The following TJP1 variants were observed in gnomAD, a reference collection of about 807,000 sequenced individuals.
TJP1 encodes tight junction protein ZO-1.
Under a neutral mutation model 194.2 loss-of-function variants are expected in TJP1, and 43 were observed. That is an observed-to-expected ratio of 0.22 (90% CI 0.17 to 0.29). The LOEUF is 0.29. Among genes scored for constraint, TJP1 ranks in the 10% least tolerant of loss-of-function variants. The probability of loss-of-function intolerance (pLI) is 1.00; values close to 1 mark genes in which losing one functional copy is unlikely to be tolerated. For synonymous variants in TJP1, 801 were observed against 779.0 expected, an observed-to-expected ratio of 1.03 and a Z score of -0.47; for missense variants, 1,971 against 2,185.7, an observed-to-expected ratio of 0.90 and a Z score of 1.96.
chr15:29,867,212 C>T (rs2052338104), intron 2 of TJP1, among the ~76,000 whole-genome samples: 1 of 152,214 alleles, frequency 6.6e-6, no homozygotes, highest in Non-Finnish European at 1.5e-5. Flanking sequence ...TTGAGCGAGA[C>T]TCAGACCAGA....
At chr15:29,744,635 CA>C (rs1025215429) in intron 8 of TJP1, among the ~76,000 whole-genome samples, 1 of 151,964 alleles carries the variant, frequency 6.6e-6, no homozygotes, top group Non-Finnish European at 1.5e-5. Flanking sequence ...CTCGGAAAAA[CA>C]AAATAATTTG....
At chr15:29,929,502 G>T (rs1403619935) in intron 2 of TJP1, among the ~76,000 whole-genome samples, 1 of 152,094 alleles carries the variant, frequency 6.6e-6, no homozygotes, top group Non-Finnish European at 1.5e-5. Context: ...TTTGATACCA[G>T]CCTGGCCAAC....
intron 2 of TJP1, among the ~76,000 whole-genome samples, chr15:29,848,903 G>A (rs1173747804): frequency 6.6e-6 from 1 of 151,762 alleles, no homozygotes; most frequent in African/African-American, 2.4e-5. Flanking sequence ...ATTATTTTCT[G>A]TGGTTTTTTT....
intron 2 of TJP1, among the ~76,000 whole-genome samples, chr15:29,833,881 A>ATATATATATTTTTT: frequency 7.9e-5 from 1 of 12,616 alleles, no homozygotes; most frequent in Non-Finnish European, 1.4e-4. Context: ...ATATATATAT[A>ATATATATATTTTTT]TTTTTTTTTT....
At position 29,800,710 on chromosome 15, in the gene TJP1, A is replaced by G. The variant is rs1350755082; in HGVS notation, c.28-8T>C. 11 of 1,612,966 alleles carry G rather than the reference A, an allele frequency of 6.8e-6. No individual in the cohort carries two copies. Among genetic ancestry groups the G allele is most frequent in the African/African-American group, 2.7e-5 (2 of 74,896 alleles). ...TTCCTCCATTGCTGTGCTCTGATAA[A>G]GGAAAAGAAAAACAAATCATTTACC... On this transcript the variant is annotated splice_polypyrimidine_tract_variant and splice_region_variant and intron_variant, in intron 1 of 27. Coordinates refer to ENST00000614355, the MANE Select transcript of TJP1 (RefSeq NM_001330239.4).
intron 18 of TJP1, among the ~76,000 whole-genome samples, chr15:29,722,301 G>A (rs907659782): frequency 6.6e-6 from 1 of 152,174 alleles, no homozygotes; most frequent in Non-Finnish European, 1.5e-5. Flanking sequence ...ATCCAGGCCC[G>A]GCCCTGCTGC....
At chr15:29,737,183 C>T in intron 11 of TJP1, 81 bp downstream of exon 11, 2 of 1,505,936 alleles carry the variant, frequency 1.3e-6, no homozygotes, top group Non-Finnish European at 1.8e-6. Context: ...AATCTAATTA[C>T]AATAGTAAGC....
At position 29,701,589 on chromosome 15, in the gene TJP1, CAAGAGTTA is replaced by C; in HGVS notation, c.5305_*5del. The C allele has an allele frequency of 3.1e-6, 5 of 1,607,090 alleles. No individual in the cohort carries two copies. Among genetic ancestry groups the C allele is most frequent in the Non-Finnish European group, 4.3e-6 (5 of 1,174,012 alleles). Reference sequence around the variant, plus strand: ...TCACATTATTTAAGTTCCTATATTTCAAGAGTTAAAAGTGGTCAATAAGGACAGAAACA... The same window carrying C: ...TCACATTATTTAAGTTCCTATATTTCAAAGTGGTCAATAAGGACAGAAACA... On this transcript the variant is annotated stop_lost and 3_prime_UTR_variant, in exon 28 of 28. Transcript: ENST00000614355.
intron 2 of TJP1, among the ~76,000 whole-genome samples, chr15:29,800,060 G>A (rs1357609903): frequency 6.6e-6 from 1 of 152,162 alleles, no homozygotes; most frequent in Non-Finnish European, 1.5e-5. Flanking sequence ...GGTTTTCGAA[G>A]GTGACTGAAT....
intron 1 of TJP1, among the ~76,000 whole-genome samples, chr15:29,821,153 G>A (rs1374679151): frequency 2.0e-5 from 3 of 152,166 alleles, no homozygotes; most frequent in Non-Finnish European, 2.9e-5. Flanking sequence ...AATGGGAGGA[G>A]CATCCTAGCT....
chr15:29,733,043 C>T (rs767298763), intron 13 of TJP1, 51 bp downstream of exon 13: 1 of 1,543,206 alleles, frequency 6.5e-7, no homozygotes, highest in South Asian at 1.1e-5. Flanking sequence ...TTGAAATGAT[C>T]TATCATCATT....
rs761107484 is a variant in TJP1 at position 29,732,705 on chromosome 15, T to C, written c.1847A>G (p.Lys616Arg). The C allele has an allele frequency of 6.2e-7, 1 of 1,614,206 alleles. No homozygotes were observed. Among genetic ancestry groups the C allele is most frequent in the Non-Finnish European group, 8.5e-7 (1 of 1,180,048 alleles). ...GLRSSKRNLR[K>R]SREDLSAQPV... ...CTGAGCGGACAAATCCTCTCTGCTT[T>C]TTCGAAGATTTCTCTTGGAGCTGCG... The change falls in exon 14 of 28, where the codon AAA (lysine) becomes AGA (arginine). Residue 616 changes from lysine (K) to arginine (R), a missense_variant. Physicochemically the swap from Lys to Arg is conservative, Grantham distance 26 (BLOSUM62 2). Transcript: ENST00000614355.
At chr15:29,757,829 T>C (rs1595780885) in intron 8 of TJP1, among the ~76,000 whole-genome samples, 1 of 152,318 alleles carries the variant, frequency 6.6e-6, no homozygotes, top group African/African-American at 2.4e-5. Context: ...CAGTTGACCC[T>C]TGAAGAGCAT....
At position 29,733,119 on chromosome 15, in the gene TJP1, G is replaced by T; in HGVS notation, c.1711C>A (p.Arg571=). Residue 571 remains arginine, a synonymous_variant, in exon 13 of 28, where the codon CGA becomes AGA. Coordinates refer to ENST00000614355, the MANE Select transcript of TJP1 (RefSeq NM_001330239.4). ...CTGTTCTTATTAGGGATGATGCCTC[G>T]TTCTACCTCCTTATGATTTTTACCA... ...RIGKNHKEVE[R]GIIPNKNRAE... 1 of 1,613,940 alleles carries T rather than the reference G, an allele frequency of 6.2e-7. No homozygotes were observed. Among genetic ancestry groups the T allele is most frequent in the Non-Finnish European group, 8.5e-7 (1 of 1,179,982 alleles).
Position 29,968,832 on chromosome 15 carries a change from C to A in TJP1, c.8G>T (p.Arg3Leu). 5.0e-6 allele frequency: 5 copies of A among 1,007,368 alleles called. No individual in the cohort carries two copies. In the South Asian group the frequency reaches 6.1e-5, roughly 12 times the overall value. 62.4% of individuals were successfully genotyped at this position (1,007,368 alleles called of 1,614,324 possible). ...CCGCCGCAGACACAGCCCCTCCAGGCGCCGCATAGATCAGCTCTGGGCCAT... is the reference window on the plus strand; with the variant it reads ...CCGCCGCAGACACAGCCCCTCCAGGAGCCGCATAGATCAGCTCTGGGCCAT... The change falls in exon 1 of 29, where the codon CGC becomes CTC. Residue 3 changes from arginine to leucine, a missense_variant. By Grantham distance (102) the Arg-to-Leu change is moderately radical (BLOSUM62 -2). Coordinates refer to the TJP1 transcript ENST00000356107.
At chr15:29,795,326 G>A (rs1341142166) in intron 2 of TJP1, among the ~76,000 whole-genome samples, 1 of 151,680 alleles carries the variant, frequency 6.6e-6, no homozygotes, top group African/African-American at 2.4e-5. Context: ...GAGAGGCTGA[G>A]GCAGGAGAAT....
At chr15:29,881,832 C>T (rs1596174500) in intron 2 of TJP1, among the ~76,000 whole-genome samples, 1 of 152,044 alleles carries the variant, frequency 6.6e-6, no homozygotes, top group African/African-American at 2.4e-5. Context: ...CCTAACACTA[C>T]CTATATACAC....
intron 2 of TJP1, among the ~76,000 whole-genome samples, chr15:29,917,191 G>T (rs559224884): frequency 7.9e-5 from 12 of 152,254 alleles, no homozygotes; most frequent in African/African-American, 2.6e-4. Flanking sequence ...TTTAGATGCC[G>T]ACTCCACATC....
At chr15:29,892,598 T>C (rs2053348526) in intron 2 of TJP1, among the ~76,000 whole-genome samples, 1 of 152,230 alleles carries the variant, frequency 6.6e-6, no homozygotes, top group African/African-American at 2.4e-5. Context: ...AAGCCAATGC[T>C]TATTTGTCAT....
Sources: allele counts gnomAD v4.1 joint callset (sites outside exome capture counted in the v4.1 genomes callset), GRCh38; gene constraint gnomAD v4.1.1; transcripts MANE v1.5; gene names NCBI Gene and HGNC (gene_info 2026-07-23, HGNC 2026-07-21).